TRIM37: variants seen among roughly 807,000 people sequenced by gnomAD.
TRIM37 encodes the protein E3 ubiquitin-protein ligase TRIM37.
Under a neutral mutation model 129.8 loss-of-function variants are expected in TRIM37, and 80 were observed. That is an observed-to-expected ratio of 0.62 (90% CI 0.51 to 0.74). The LOEUF is 0.74. Ranked by LOEUF, TRIM37 falls within the 30% of genes least tolerant of loss-of-function variation. The probability of loss-of-function intolerance (pLI) is 0.00; values close to 1 mark genes in which losing one functional copy is unlikely to be tolerated. For synonymous variants in TRIM37, 389 were observed against 387.1 expected (o/e 1.00, Z -0.06); for missense variants, 1,054 against 1,176.5 (o/e 0.90, Z 1.52).
At chr17:59,077,924 G>C (rs181315545) in intron 7 of TRIM37, among the ~76,000 whole-genome samples, 22 of 150,458 alleles carry the variant, frequency 1.5e-4, no homozygotes, top group African/African-American at 5.1e-4. Context: ...AGGAGCTCAA[G>C]ACTAGCCTGG....
At chr17:58,979,179 T>TAAC (rs2031213086), downstream of TRIM37, among the ~76,000 whole-genome samples, 1 of 151,930 alleles carries the variant, frequency 6.6e-6, no homozygotes, top group Non-Finnish European at 1.5e-5. Context: ...AAATGCACAA[T>TAAC]AACAATAAAG....
chr17:58,993,682 G>A (rs2032680827), downstream of TRIM37, among the ~76,000 whole-genome samples: 1 of 152,184 alleles, frequency 6.6e-6, no homozygotes, highest in Admixed American at 6.5e-5. Context: ...TCTTGGGGGT[G>A]ACTGAAATGT....
At chr17:59,061,628 ACTCC>A (rs1239314190) in intron 11 of TRIM37, among the ~76,000 whole-genome samples, 1 of 151,884 alleles carries the variant, frequency 6.6e-6, no homozygotes, top group African/African-American at 2.4e-5. Context: ...AAAGATAATT[ACTCC>A]CTCCCTTTTT....
the TRIM37 span, among the ~76,000 whole-genome samples, chr17:58,967,346 C>T: frequency 6.6e-6 from 1 of 152,036 alleles, no homozygotes; most frequent in Non-Finnish European, 1.5e-5. Flanking sequence ...GGAATGATAA[C>T]TATGATATGC....
At chr17:58,982,460 T>C (rs1180599426), downstream of TRIM37, 2 of 158,186 alleles carry the variant, frequency 1.3e-5, no homozygotes, top group Non-Finnish European at 2.8e-5. Flanking sequence ...GAGTGCTCAC[T>C]AACAAGGGTG....
At chr17:58,992,207 G>C (rs2032477748) in intron 24 of TRIM37, among the ~76,000 whole-genome samples, 1 of 147,758 alleles carries the variant, frequency 6.8e-6, no homozygotes, top group African/African-American at 2.5e-5. Flanking sequence ...AAATGTGAAG[G>C]CCCCTTGACT....
downstream of TRIM37, chr17:58,979,885 T>C (rs2031262065): frequency 9.8e-7 from 1 of 1,019,556 alleles, no homozygotes; most frequent in Non-Finnish European, 1.4e-6. Flanking sequence ...CAGTAAGCTG[T>C]GATCAGAGTC....
chr17:59,018,176 A>G (rs545747399), intron 19 of TRIM37, among the ~76,000 whole-genome samples: 2 of 152,308 alleles, frequency 1.3e-5, no homozygotes, highest in Non-Finnish European at 2.9e-5. Flanking sequence ...TTAATTAGGG[A>G]AAAAAGGGAC....
the TRIM37 span, among the ~76,000 whole-genome samples, chr17:58,975,452 CATAGTG>C: frequency 6.6e-6 from 1 of 152,136 alleles, no homozygotes; most frequent in Non-Finnish European, 1.5e-5. Context: ...ACCTGGGCAA[CATAGTG>C]ATACCTCATC....
At chr17:58,982,927 A>G in intron 24 of TRIM37, 1 of 1,574,550 alleles carries the variant, frequency 6.4e-7, no homozygotes, top group East Asian at 2.3e-5. Flanking sequence ...ATTATCTAAG[A>G]AAACAAGAAA....
intron 15 of TRIM37, among the ~76,000 whole-genome samples, chr17:59,048,900 A>G (rs988757097): frequency 6.6e-6 from 1 of 152,170 alleles, no homozygotes; most frequent in Non-Finnish European, 1.5e-5. Flanking sequence ...CCCGGCCAGA[A>G]CACATTTTTA....
chr17:58,974,557 T>C, the TRIM37 span, among the ~76,000 whole-genome samples: 1 of 152,212 alleles, frequency 6.6e-6, no homozygotes, highest in African/African-American at 2.4e-5. Context: ...TTTATTATTT[T>C]AGGCTTCATG....
intron 19 of TRIM37, 80 bp downstream of exon 19, chr17:59,028,335 A>G: frequency 1.5e-6 from 2 of 1,356,558 alleles, no homozygotes; most frequent in Non-Finnish European, 2.1e-6. Flanking sequence ...TGGTATTTAA[A>G]TATTATTCTT....
intron 18 of TRIM37, among the ~76,000 whole-genome samples, chr17:59,029,776 ACT>A (rs1031658241): frequency 1.3e-5 from 2 of 152,114 alleles, no homozygotes; most frequent in African/African-American, 2.4e-5. Flanking sequence ...ACAGAGTGAG[ACT>A]CTGTCTCAAA....
Position 59,064,346 on chromosome 17 carries a change from A to C in TRIM37, c.860+9T>G, listed in dbSNP as rs781224201. The C allele has an allele frequency of 6.3e-7, 1 of 1,596,900 alleles. No individual in the cohort carries two copies. Among genetic ancestry groups the C allele is most frequent in the South Asian group, 1.1e-5 (1 of 88,580 alleles). The stretch of plus-strand genomic sequence containing the variant: ...ATACAAAAAAACCAGAATTGTCAAA[A>C]ACTCTTACCTGAAATTCTCTAAAAC... On this transcript the variant is annotated intron_variant, in intron 10 of 23. Transcript: ENST00000262294.
chr17:59,058,408 G>A (rs1460377003), intron 12 of TRIM37, among the ~76,000 whole-genome samples: 1 of 152,162 alleles, frequency 6.6e-6, no homozygotes, highest in Non-Finnish European at 1.5e-5. Flanking sequence ...AAAAGGAGAG[G>A]AGCAGAAAAG....
At chr17:59,007,086 G>A (rs1213675221) in intron 22 of TRIM37, among the ~76,000 whole-genome samples, 4 of 150,720 alleles carry the variant, frequency 2.7e-5, no homozygotes, top group East Asian at 2.0e-4. Context: ...ACATCTTACC[G>A]CCCTGAGAAG....
In TRIM37 at chr17:59,100,634, G is replaced by C. The variant is rs941357020; in HGVS notation, c.123+3659C>G. 3.3e-5 allele frequency among the ~76,000 whole-genome samples: 5 copies of C among 152,234 alleles called. No individual in the cohort carries two copies. The South Asian group carries it at 1.0e-3, about 32-fold the overall frequency. On this transcript the variant is annotated intron_variant, in intron 2 of 23. Transcript: ENST00000262294. ...CTGGGGACAAGGCAAGTAGAGGGAG[G>C]AATTACCAAGAGGCACAAGGAAACT...
chr17:59,077,961 T>C (rs2042957931), intron 7 of TRIM37, among the ~76,000 whole-genome samples: 1 of 150,178 alleles, frequency 6.7e-6, no homozygotes, highest in South Asian at 2.1e-4. Flanking sequence ...CCATCTCTAC[T>C]AAAAATACAA....
Sources: allele counts gnomAD v4.1 joint callset (sites outside exome capture counted in the v4.1 genomes callset), GRCh38; gene constraint gnomAD v4.1.1; transcripts MANE v1.5; gene names NCBI Gene and HGNC (gene_info 2026-07-23, HGNC 2026-07-21).